Variants in ADAM12 observed in about 807,000 individuals in gnomAD.
ADAM12 encodes the protein disintegrin and metalloproteinase domain-containing protein 12.
ADAM12 carries 70 observed loss-of-function variants against 106.4 expected under a neutral mutation model. The ratio of observed to expected loss-of-function variants is 0.66; its 90% CI spans 0.54 to 0.80. ADAM12 has a LOEUF of 0.80. Among genes scored for constraint, ADAM12 ranks in the 30% least tolerant of loss-of-function variants. The pLI is 0.00. For synonymous variants in ADAM12, 420 were observed against 433.5 expected (o/e 0.97, Z 0.39); for missense variants, 1,010 against 1,171.9 (o/e 0.86, Z 2.02).
chr10:126,344,438 G>T (rs1242342146), intron 1 of ADAM12, among the ~76,000 whole-genome samples: 1 of 152,202 alleles, frequency 6.6e-6, no homozygotes, highest in Non-Finnish European at 1.5e-5. Context: ...TTGTAGTATA[G>T]TTTGAAGTCA....
chr10:126,360,466 C>A (rs1469581377), intron 1 of ADAM12, among the ~76,000 whole-genome samples: 1 of 152,172 alleles, frequency 6.6e-6, no homozygotes, highest in African/African-American at 2.4e-5. Context: ...CCTCCAGATA[C>A]CCTAAATCAT....
At chr10:126,147,572 C>G (rs867976548) in intron 4 of ADAM12, among the ~76,000 whole-genome samples, 1 of 152,204 alleles carries the variant, frequency 6.6e-6, no homozygotes. Flanking sequence ...CCCGCCACCC[C>G]AAGTAAAACT....
At chr10:126,279,293 G>A (rs182490428) in intron 2 of ADAM12, among the ~76,000 whole-genome samples, 49 of 152,114 alleles carry the variant, frequency 3.2e-4, no homozygotes, top group African/African-American at 1.0e-3. Context: ...TTAGCCAGGG[G>A]TGGTAGTTTG....
intron 5 of ADAM12, among the ~76,000 whole-genome samples, chr10:126,128,393 C>T (rs1278319): frequency 0.61 from 92,332 of 152,060 alleles, 28,338 homozygotes; most frequent in East Asian, 0.77. Flanking sequence ...CTGAGGATGC[C>T]ATGCCTTAGT....
intron 2 of ADAM12, among the ~76,000 whole-genome samples, chr10:126,289,347 G>A (rs1414789324): frequency 6.6e-6 from 1 of 152,262 alleles, no homozygotes; most frequent in African/African-American, 2.4e-5. Flanking sequence ...GCAGAAGGCC[G>A]AGGCCGGGAT....
intron 1 of ADAM12, 29 bp from the exon 2 acceptor site, chr10:126,330,538 T>C: frequency 6.3e-7 from 1 of 1,586,380 alleles, no homozygotes; most frequent in Non-Finnish European, 8.6e-7. Context: ...AGCCCTATAT[T>C]TCACTCTAGT....
intron 3 of ADAM12, among the ~76,000 whole-genome samples, chr10:126,258,814 C>A (rs1321245717): frequency 6.6e-6 from 1 of 152,142 alleles, no homozygotes; most frequent in Non-Finnish European, 1.5e-5. Flanking sequence ...ACCAAGACAC[C>A]TTTCTTTCCC....
intron 1 of ADAM12, among the ~76,000 whole-genome samples, chr10:126,386,336 T>C (rs1478702584): frequency 6.6e-6 from 1 of 152,176 alleles, no homozygotes; most frequent in Non-Finnish European, 1.5e-5. Context: ...ACTCAACAGG[T>C]AGTAATTCCT....
chr10:126,167,656 ATTC>A (rs1957047742), intron 3 of ADAM12, among the ~76,000 whole-genome samples: 1 of 152,170 alleles, frequency 6.6e-6, no homozygotes, highest in African/African-American at 2.4e-5. Context: ...ATTTATATTT[ATTC>A]ATTAGTGCCA....
intron 3 of ADAM12, among the ~76,000 whole-genome samples, chr10:126,222,107 A>G (rs1421303080): frequency 6.6e-6 from 1 of 152,198 alleles, no homozygotes; most frequent in East Asian, 1.9e-4. Context: ...GAACATAGGC[A>G]TTACACGGAA....
intron 2 of ADAM12, among the ~76,000 whole-genome samples, chr10:126,311,774 C>G (rs1961109402): frequency 6.6e-6 from 1 of 152,180 alleles, no homozygotes; most frequent in Admixed American, 6.5e-5. Flanking sequence ...AGCTCCCACG[C>G]TCAGGACCCT....
Position 126,071,490 on chromosome 10 carries a change from C to T in ADAM12, c.1310G>A (p.Cys437Tyr). The T allele has an allele frequency of 1.9e-6, 3 of 1,614,056 alleles. No homozygotes were observed. The highest frequency in any genetic ancestry group is 1.7e-4 in the Middle Eastern group (1 of 6,060). The change falls in exon 12 of 23, where the codon TGT becomes TAT. Residue 437 changes from cysteine to tyrosine, a missense_variant. Transcript: ENST00000448723. ...AATGGTTCTTACCTCTGGCTCCCCA[C>T]AGTCACACTCCTCTCCTTCTTCCAC... ...RFVEEGEECD[C>Y]GEPEECMNRC...
intron 22 of ADAM12, among the ~76,000 whole-genome samples, chr10:126,018,124 G>A (rs542295733): frequency 3.9e-5 from 6 of 152,264 alleles, no homozygotes; most frequent in Admixed American, 6.5e-5. Context: ...TTTCTTTCAC[G>A]GGCCAAACAT....
At chr10:126,193,904 G>GAAATAAAATGAAATAAAATAAAATA (rs1957549285) in intron 3 of ADAM12, among the ~76,000 whole-genome samples, 1 of 145,108 alleles carries the variant, frequency 6.9e-6, no homozygotes, top group African/African-American at 2.6e-5. Context: ...GAAATAAAAT[G>GAAATAAAATGAAATAAAATAAAATA]AAATAAAATA....
chr10:126,373,242 T>C (rs1483283178), intron 1 of ADAM12, among the ~76,000 whole-genome samples: 1 of 152,208 alleles, frequency 6.6e-6, no homozygotes, highest in Admixed American at 6.5e-5. Flanking sequence ...TGGAATTCTG[T>C]TGACACCTCT....
At chr10:126,304,509 T>G (rs1960759462) in intron 2 of ADAM12, among the ~76,000 whole-genome samples, 2 of 152,060 alleles carry the variant, frequency 1.3e-5, no homozygotes. Context: ...AACTACACGC[T>G]GTCAGCAAGA....
At chr10:126,241,638 C>T (rs1055977653) in intron 3 of ADAM12, among the ~76,000 whole-genome samples, 3 of 152,170 alleles carry the variant, frequency 2.0e-5, no homozygotes, top group Non-Finnish European at 4.4e-5. Context: ...GCAAACTGAG[C>T]CTGAACGCTG....
intron 6 of ADAM12, 47 bp downstream of exon 6, chr10:126,117,991 T>G: frequency 6.3e-7 from 1 of 1,596,540 alleles, no homozygotes; most frequent in Non-Finnish European, 8.6e-7. Flanking sequence ...TATCCGTAGC[T>G]TGAGCTCCTA....
At chr10:126,255,271 G>C (rs1420971808) in intron 3 of ADAM12, among the ~76,000 whole-genome samples, 1 of 152,194 alleles carries the variant, frequency 6.6e-6, no homozygotes, top group African/African-American at 2.4e-5. Context: ...TGTGAGGCCT[G>C]AGAACTGAAC....
Sources: gnomAD v4.1 joint callset for allele counts (sites outside exome capture counted in the v4.1 genomes callset) on GRCh38, gnomAD v4.1.1 for gene constraint, MANE v1.5 for transcripts, NCBI Gene and HGNC (gene_info 2026-07-23, HGNC 2026-07-21) for gene names.